Variants in TENM4 observed in about 807,000 individuals in gnomAD.
The protein encoded by TENM4 is teneurin-4.
Under a neutral mutation model 243.3 loss-of-function variants are expected in TENM4, and 82 were observed. The observed-to-expected ratio is 0.34, with a 90% confidence interval of 0.28 to 0.40. The LOEUF (loss-of-function observed/expected upper bound fraction) is 0.40, where lower values mean the gene tolerates loss of function less well. Among genes scored for constraint, TENM4 ranks in the 10% least tolerant of loss-of-function variants. TENM4 has a pLI of 1.00. For synonymous variants in TENM4, 1,412 were observed against 1,456.3 expected, an observed-to-expected ratio of 0.97 and a Z score of 0.69; for missense variants, 3,138 against 3,673.3, an observed-to-expected ratio of 0.85 and a Z score of 3.77.
At chr11:79,307,500 C>T (rs938529434) in intron 1 of TENM4, among the ~76,000 whole-genome samples, 7 of 152,162 alleles carry the variant, frequency 4.6e-5, no homozygotes, top group African/African-American at 1.7e-4. Context: ...CACTTCTCAC[C>T]ATCTCTGTTT....
At chr11:79,023,191 A>T (rs1248437259) in intron 6 of TENM4, among the ~76,000 whole-genome samples, 2 of 152,132 alleles carry the variant, frequency 1.3e-5, no homozygotes, top group Non-Finnish European at 2.9e-5. Context: ...AGACCTTCCT[A>T]ATCCCCATTT....
chr11:79,123,603 T>TCC, intron 4 of TENM4, among the ~76,000 whole-genome samples: 1 of 151,552 alleles, frequency 6.6e-6, no homozygotes. Flanking sequence ...TAGCCCCTTT[T>TCC]TTTTTTTTTT....
intron 2 of TENM4, among the ~76,000 whole-genome samples, chr11:79,223,130 G>C (rs186186588): frequency 1.4e-4 from 21 of 151,738 alleles, no homozygotes; most frequent in Middle Eastern, 3.4e-3. Context: ...ATGTATCCCA[G>C]AACTTAAATA....
chr11:78,691,485 T>C lies in TENM4; in HGVS notation c.5088-3259A>G, dbSNP rs575486438. Among the ~76,000 whole-genome samples the C allele has an allele frequency of 2.7e-4, 41 of 152,332 alleles. No homozygotes were observed. In the South Asian group the frequency reaches 7.1e-3, roughly 26 times the overall value. On this transcript the variant is annotated intron_variant, in intron 28 of 33. Coordinates refer to ENST00000278550, the MANE Select transcript of TENM4 (RefSeq NM_001098816.3). ...ACAAGCTGGACACACAGTAGGTACA[T>C]GATAAACACTTGCTGAATGCCAAAA...
At chr11:78,766,385 G>C (rs2135981887) in intron 18 of TENM4, among the ~76,000 whole-genome samples, 1 of 152,282 alleles carries the variant, frequency 6.6e-6, no homozygotes, top group Non-Finnish European at 1.5e-5. Flanking sequence ...CCTATAAGAG[G>C]ATAAAATCAG....
chr11:78,869,815 T>A (rs188553021), intron 9 of TENM4, among the ~76,000 whole-genome samples: 35 of 152,094 alleles, frequency 2.3e-4, no homozygotes, highest in Admixed American at 4.6e-4. Flanking sequence ...CATTACAATT[T>A]AAAAAAAAAT....
rs546193772 is a variant in TENM4 at position 79,414,041 on chromosome 11, T to C, written c.-321+26468A>G. ...GAGTAACAGAAACACAAGATACGTA[T>C]AATTTATCTCTATACCTCAAAATTC... is the stretch of plus-strand genomic sequence containing the variant. On this transcript the variant is annotated intron_variant, in intron 1 of 33. Transcript: ENST00000278550. 1.2e-4 allele frequency among the ~76,000 whole-genome samples: 18 copies of C among 152,212 alleles called. No homozygotes were observed. The South Asian group carries it at 2.7e-3, about 23-fold the overall frequency.
chr11:79,410,038 G>C (rs757073638), intron 1 of TENM4, among the ~76,000 whole-genome samples: 28 of 151,994 alleles, frequency 1.8e-4, no homozygotes, highest in Non-Finnish European at 3.7e-4. Flanking sequence ...GATAGCTGAT[G>C]ATCTAGAAAA....
Position 79,225,577 on chromosome 11 carries a change from T to A in TENM4, c.-264-9668A>T, listed in dbSNP as rs141452574. On this transcript the variant is annotated intron_variant, in intron 2 of 33. Transcript: ENST00000278550. ...ATGTGTACCACCATGCTGGCTACTT[T>A]TTTTGTAATTTTAGTAGACATGAGG... 1.7e-3 allele frequency among the ~76,000 whole-genome samples: 263 copies of A among 152,260 alleles called. 2 individuals are homozygous for A. Among genetic ancestry groups the A allele is most frequent in the African/African-American group, 6.0e-3 (248 of 41,546 alleles).
At chr11:79,277,203 T>C (rs898676346) in intron 2 of TENM4, among the ~76,000 whole-genome samples, 7 of 152,168 alleles carry the variant, frequency 4.6e-5, no homozygotes, top group Non-Finnish European at 7.3e-5. Flanking sequence ...ACGAGATTTA[T>C]GATTCTGCAA....
chr11:79,174,217 G>A (rs1315039188), intron 3 of TENM4, among the ~76,000 whole-genome samples: 1 of 151,882 alleles, frequency 6.6e-6, no homozygotes, highest in African/African-American at 2.4e-5. Flanking sequence ...CTTTGCCCGG[G>A]TGCTTCTAAA....
intron 2 of TENM4, among the ~76,000 whole-genome samples, chr11:79,280,427 G>A (rs1392023685): frequency 6.6e-6 from 1 of 152,210 alleles, no homozygotes; most frequent in East Asian, 1.9e-4. Flanking sequence ...CACAGCTCCA[G>A]GGCCTGGCTC....
chr11:79,131,718 G>A (rs1400798520), intron 4 of TENM4, among the ~76,000 whole-genome samples: 2 of 152,128 alleles, frequency 1.3e-5, no homozygotes, highest in Non-Finnish European at 2.9e-5. Context: ...AATGTAAATG[G>A]CCTAAATGCT....
intron 2 of TENM4, among the ~76,000 whole-genome samples, chr11:79,216,538 G>C (rs1864054049): frequency 6.6e-6 from 1 of 152,240 alleles, no homozygotes; most frequent in Non-Finnish European, 1.5e-5. Context: ...GTAGTGTTGG[G>C]AGGTAGGGAT....
intron 15 of TENM4, among the ~76,000 whole-genome samples, chr11:78,790,193 C>A (rs942627889): frequency 2.6e-5 from 4 of 152,170 alleles, no homozygotes; most frequent in Non-Finnish European, 5.9e-5. Flanking sequence ...AAAAGATTAT[C>A]CAAATAATCT....
intron 12 of TENM4, among the ~76,000 whole-genome samples, chr11:78,829,465 T>C (rs902715231): frequency 5.9e-5 from 9 of 152,166 alleles, no homozygotes; most frequent in African/African-American, 2.2e-4. Flanking sequence ...GGGAGGCATT[T>C]AACGGGGCCT....
intron 3 of TENM4, among the ~76,000 whole-genome samples, chr11:79,155,909 C>T (rs1862605136): frequency 6.6e-6 from 1 of 151,962 alleles, no homozygotes; most frequent in Non-Finnish European, 1.5e-5. Context: ...ACCCTCATTT[C>T]TTCCTTTTAT....
chr11:79,368,381 C>T lies in TENM4; in HGVS notation c.-320-70838G>A, dbSNP rs115538246. Among the ~76,000 whole-genome samples the T allele has an allele frequency of 3.2e-3, 487 of 152,328 alleles. 2 individuals carry two copies. The highest frequency in any genetic ancestry group is 0.01 in the African/African-American group (427 of 41,578). ...TCTGAGCTTCAGTGTCCACCAACCT[C>T]GACAGAGACAGTGAGAATTAAATAC... On this transcript the variant is annotated intron_variant, in intron 1 of 33. Coordinates refer to ENST00000278550, the MANE Select transcript of TENM4 (RefSeq NM_001098816.3).
At chr11:79,320,578 T>C (rs1856871971) in intron 1 of TENM4, among the ~76,000 whole-genome samples, 1 of 152,164 alleles carries the variant, frequency 6.6e-6, no homozygotes, top group Non-Finnish European at 1.5e-5. Flanking sequence ...GCTTGTCCAA[T>C]GTTACACTGC....
Sources: allele counts gnomAD v4.1 joint callset (sites outside exome capture counted in the v4.1 genomes callset), GRCh38; gene constraint gnomAD v4.1.1; transcripts MANE v1.5; gene names NCBI Gene and HGNC (gene_info 2026-07-23, HGNC 2026-07-21).